ZFYVE1: variants seen among roughly 807,000 people sequenced by gnomAD.
ZFYVE1 encodes the protein zinc finger FYVE domain-containing protein 1.
In ZFYVE1, 30 loss-of-function variants were observed where a neutral mutation model predicts 74.4. The ratio of observed to expected loss-of-function variants is 0.40; its 90% CI spans 0.30 to 0.55. The LOEUF (loss-of-function observed/expected upper bound fraction) is 0.55, where lower values mean the gene tolerates loss of function less well. Among genes scored for constraint, ZFYVE1 ranks in the 20% least tolerant of loss-of-function variants. The pLI is 0.42. For missense variants in ZFYVE1, 703 were observed against 1,011.6 expected (o/e 0.69, Z 4.14); for synonymous variants, 335 against 385.1 (o/e 0.87, Z 1.52).
chr14:73,001,329 G>A (rs1893868931), intron 2 of ZFYVE1, among the ~76,000 whole-genome samples: 1 of 152,100 alleles, frequency 6.6e-6, no homozygotes, highest in African/African-American at 2.4e-5. Context: ...TTTTAGTGGA[G>A]AAAAACTATT....
intron 3 of ZFYVE1, among the ~76,000 whole-genome samples, chr14:72,993,646 C>T (rs192892938): frequency 1.3e-3 from 203 of 151,836 alleles, no homozygotes; most frequent in African/African-American, 4.4e-3. Flanking sequence ...TTGCAGTAAG[C>T]TGAAATCGCA....
intron 2 of ZFYVE1, among the ~76,000 whole-genome samples, chr14:73,022,971 T>C (rs1048644533): frequency 1.3e-5 from 2 of 151,920 alleles, no homozygotes; most frequent in African/African-American, 4.8e-5. Flanking sequence ...AAGATCAACC[T>C]GGCCAACATG....
At chr14:73,016,036 T>C (rs1894195292) in intron 2 of ZFYVE1, among the ~76,000 whole-genome samples, 1 of 152,218 alleles carries the variant, frequency 6.6e-6, no homozygotes, top group African/African-American at 2.4e-5. Flanking sequence ...TACAACAAGA[T>C]GTCTGACTCC....
intron 2 of ZFYVE1, among the ~76,000 whole-genome samples, chr14:73,019,207 A>G (rs1894263311): frequency 2.6e-5 from 4 of 152,292 alleles, no homozygotes; most frequent in Admixed American, 2.6e-4. Flanking sequence ...CAAATCATAC[A>G]CAAAAATCTT....
Position 73,023,199 on chromosome 14 carries a change from A to ATATAATATATATTT in ZFYVE1, c.483+826_483+827insAAATATATATTATA, listed in dbSNP as rs1384234560. 2.6e-4 allele frequency among the ~76,000 whole-genome samples: 35 copies of ATATAATATATATTT among 137,048 alleles called. 5 individuals carry two copies. The highest frequency in any genetic ancestry group is 4.1e-4 in the Admixed American group (5 of 12,330). 89.9% of individuals were successfully genotyped at this position (137,048 alleles called of 152,430 possible). The stretch of plus-strand genomic sequence containing the variant: ...ATATATATATATATATATATTTTAT[A>ATATAATATATATTT]TATGTTTTATATATAATATATATTT... On this transcript the variant is annotated intron_variant, in intron 2 of 11. Transcript: ENST00000556143.
At chr14:73,002,781 G>T (rs866164547) in intron 2 of ZFYVE1, among the ~76,000 whole-genome samples, 6 of 141,678 alleles carry the variant, frequency 4.2e-5, no homozygotes, top group Middle Eastern at 4.0e-3. Flanking sequence ...TAGCTCTGTC[G>T]CCCAGGCTGG....
intron 2 of ZFYVE1, among the ~76,000 whole-genome samples, chr14:72,999,235 C>T (rs1893818031): frequency 6.6e-6 from 1 of 152,112 alleles, no homozygotes; most frequent in Non-Finnish European, 1.5e-5. Context: ...TCAAGACCAG[C>T]CTGACCAACA....
intron 2 of ZFYVE1, among the ~76,000 whole-genome samples, chr14:73,011,268 C>T (rs955424449): frequency 6.6e-6 from 1 of 151,652 alleles, no homozygotes; most frequent in African/African-American, 2.4e-5. Context: ...GTAGATCACT[C>T]GAGGCCAGGA....
chr14:72,980,661 G>A (rs928241870), intron 5 of ZFYVE1, among the ~76,000 whole-genome samples: 2 of 151,926 alleles, frequency 1.3e-5, no homozygotes, highest in South Asian at 2.1e-4. Flanking sequence ...TCCGCCTCCC[G>A]GGTTCACGCC....
chr14:72,987,043 G>A (rs937725025), intron 4 of ZFYVE1: 1 of 856,862 alleles, frequency 1.2e-6, no homozygotes, highest in African/African-American at 1.8e-5. Flanking sequence ...AGATGATCTT[G>A]AACTTTAGTT....
Position 72,976,550 on chromosome 14 carries a change from C to A in ZFYVE1, c.1636-829G>T, listed in dbSNP as rs140739505. ...CTGTAATCCCAGCATTTTGGGAGGC[C>A]GAGGTAGGTGGATCACAAGGTCAAG... On this transcript the variant is annotated intron_variant, in intron 8 of 11. Coordinates refer to ENST00000556143, the MANE Select transcript of ZFYVE1 (RefSeq NM_021260.4). Among the ~76,000 whole-genome samples the A allele has an allele frequency of 7.9e-5, 12 of 151,896 alleles. No homozygotes were observed. The South Asian group carries it at 2.3e-3, about 29-fold the overall frequency.
intron 2 of ZFYVE1, among the ~76,000 whole-genome samples, chr14:73,004,814 C>G (rs543209589): frequency 7.2e-5 from 11 of 152,084 alleles, no homozygotes; most frequent in African/African-American, 2.4e-4. Flanking sequence ...CCTTGGCAAC[C>G]TAGCAAAACC....
At chr14:72,980,081 G>A (rs1010737651) in intron 5 of ZFYVE1, among the ~76,000 whole-genome samples, 3 of 152,184 alleles carry the variant, frequency 2.0e-5, no homozygotes, top group African/African-American at 7.2e-5. Flanking sequence ...AAAAAGGAAG[G>A]TAAGTCACAC....
At chr14:73,007,579 T>C (rs1739011118) in intron 2 of ZFYVE1, among the ~76,000 whole-genome samples, 1 of 152,144 alleles carries the variant, frequency 6.6e-6, no homozygotes, top group African/African-American at 2.4e-5. Context: ...CTCTCTATGT[T>C]GCCCAGGCTG....
At chr14:72,993,059 AG>A in intron 4 of ZFYVE1, 83 bp downstream of exon 4, 1 of 1,352,182 alleles carries the variant, frequency 7.4e-7, no homozygotes, top group Non-Finnish European at 1.0e-6. Flanking sequence ...TCCAATCACC[AG>A]CACCACAAAA....
At chr14:72,994,592 T>G (rs1445481141) in intron 3 of ZFYVE1, among the ~76,000 whole-genome samples, 1 of 152,108 alleles carries the variant, frequency 6.6e-6, no homozygotes, top group African/African-American at 2.4e-5. Flanking sequence ...AGGAGTCTTT[T>G]TTCCCAAAAA....
chr14:73,025,798 C>G (rs1894448379), intron 1 of ZFYVE1, among the ~76,000 whole-genome samples: 1 of 151,634 alleles, frequency 6.6e-6, no homozygotes, highest in Admixed American at 6.6e-5. Flanking sequence ...CTTTGCTGCT[C>G]TATTTCCCAG....
At chr14:72,994,795 T>C (rs1159671626) in intron 3 of ZFYVE1, among the ~76,000 whole-genome samples, 1 of 152,194 alleles carries the variant, frequency 6.6e-6, no homozygotes, top group Non-Finnish European at 1.5e-5. Context: ...TACCTGTCCT[T>C]GTCACAATAC....
intron 2 of ZFYVE1, among the ~76,000 whole-genome samples, chr14:73,021,303 G>A (rs937218041): frequency 6.6e-5 from 10 of 151,946 alleles, no homozygotes; most frequent in African/African-American, 2.4e-4. Flanking sequence ...AGGCAAGATT[G>A]TGCCACTGCA....
Sources: gnomAD v4.1 joint callset for allele counts (sites outside exome capture counted in the v4.1 genomes callset) on GRCh38, gnomAD v4.1.1 for gene constraint, MANE v1.5 for transcripts, NCBI Gene and HGNC (gene_info 2026-07-23, HGNC 2026-07-21) for gene names.